Variants in SEMA3D observed in about 807,000 individuals in gnomAD.
SEMA3D encodes semaphorin 3D.
In SEMA3D, 84 loss-of-function variants were observed where a neutral mutation model predicts 100.1. That is an observed-to-expected ratio of 0.84 (90% CI 0.70 to 1.01). The LOEUF is 1.01. Ranked by LOEUF, SEMA3D falls within the 50% of genes least tolerant of loss-of-function variation. SEMA3D has a pLI of 0.00. For missense variants in SEMA3D, 875 were observed against 934.1 expected (o/e 0.94, Z 0.82); for synonymous variants, 312 against 320.7 (o/e 0.97, Z 0.29).
chr7:85,178,446 T>C (rs966670786), intron 1 of SEMA3D, among the ~76,000 whole-genome samples: 1 of 152,048 alleles, frequency 6.6e-6, no homozygotes, highest in Non-Finnish European at 1.5e-5. Flanking sequence ...TGGTTTTAGA[T>C]GGAGATGAGA....
chr7:85,158,952 T>G (rs1027132402), intron 1 of SEMA3D, among the ~76,000 whole-genome samples: 2 of 152,158 alleles, frequency 1.3e-5, no homozygotes, highest in Admixed American at 1.3e-4. Flanking sequence ...CACAAATTCC[T>G]CATTGTGACT....
chr7:85,023,460 C>T (rs1790310626), intron 12 of SEMA3D, among the ~76,000 whole-genome samples: 1 of 151,742 alleles, frequency 6.6e-6, no homozygotes, highest in South Asian at 2.1e-4. Flanking sequence ...TCGTATAGAA[C>T]GATTCTTTTA....
intron 3 of SEMA3D, among the ~76,000 whole-genome samples, chr7:85,114,250 T>A (rs1169839586): frequency 6.6e-6 from 1 of 152,194 alleles, no homozygotes; most frequent in Non-Finnish European, 1.5e-5. Flanking sequence ...AAAAGAGTTT[T>A]AAAAGGTGGT....
At chr7:85,204,306 T>G in the SEMA3D span, among the ~76,000 whole-genome samples, 12 of 146,734 alleles carry the variant, frequency 8.2e-5, no homozygotes, top group Non-Finnish European at 1.5e-4. Flanking sequence ...AGAACTTGAA[T>G]GAATAGACCT....
intron 8 of SEMA3D, among the ~76,000 whole-genome samples, chr7:85,063,355 A>G (rs1791528134): frequency 6.6e-6 from 1 of 152,230 alleles, no homozygotes; most frequent in Admixed American, 6.5e-5. Flanking sequence ...ACTGCTAAGC[A>G]GTCTGCCTTG....
chr7:85,153,270 TA>T (rs1790482763), intron 2 of SEMA3D, among the ~76,000 whole-genome samples: 1 of 152,166 alleles, frequency 6.6e-6, no homozygotes, highest in Non-Finnish European at 1.5e-5. Flanking sequence ...TGTATATAAC[TA>T]ACAGGACTCA....
At chr7:85,024,539 C>T (rs550446165) in intron 12 of SEMA3D, among the ~76,000 whole-genome samples, 12 of 151,772 alleles carry the variant, frequency 7.9e-5, no homozygotes, top group African/African-American at 2.4e-4. Context: ...CTCATTGCTC[C>T]GACAAAAATG....
the SEMA3D span, among the ~76,000 whole-genome samples, chr7:85,234,208 G>A: frequency 4.5e-4 from 68 of 152,232 alleles, no homozygotes; most frequent in African/African-American, 1.5e-3. Context: ...CCCCAGAAAG[G>A]CCACCTGCCA....
chr7:85,000,954 T>C (rs1789639079), intron 18 of SEMA3D, among the ~76,000 whole-genome samples: 1 of 152,136 alleles, frequency 6.6e-6, no homozygotes, highest in African/African-American at 2.4e-5. Flanking sequence ...ATTGTAGACT[T>C]TTAGATGATG....
At chr7:85,040,564 AG>A (rs1300367441) in intron 11 of SEMA3D, 108 bp downstream of exon 11, 3 of 633,596 alleles carry the variant, frequency 4.7e-6, no homozygotes, top group South Asian at 3.7e-5. Context: ...TGAAAAAAAA[AG>A]TTTACGATAT....
intron 1 of SEMA3D, among the ~76,000 whole-genome samples, chr7:85,172,596 T>A (rs1401512733): frequency 6.6e-6 from 1 of 152,056 alleles, no homozygotes; most frequent in Non-Finnish European, 1.5e-5. Flanking sequence ...TATCTCTGGG[T>A]TCTCCCTAAA....
the SEMA3D span, among the ~76,000 whole-genome samples, chr7:85,212,601 T>A: frequency 6.6e-6 from 1 of 151,994 alleles, no homozygotes; most frequent in Admixed American, 6.6e-5. Context: ...CGTGTTTGTA[T>A]CATTAGATGT....
chr7:85,022,961 C>T (rs1353602454), intron 12 of SEMA3D, among the ~76,000 whole-genome samples: 4 of 151,666 alleles, frequency 2.6e-5, no homozygotes, highest in African/African-American at 4.8e-5. Context: ...CATGAGAACA[C>T]GTGGAAAGCC....
intron 4 of SEMA3D, among the ~76,000 whole-genome samples, chr7:85,083,745 G>T (rs1388811168): frequency 6.6e-5 from 10 of 150,786 alleles, no homozygotes; most frequent in Non-Finnish European, 7.4e-5. Flanking sequence ...TACTCGGGAG[G>T]CTGAGGCAGG....
At chr7:85,244,708 CTTTTTTTTT>C in the SEMA3D span, among the ~76,000 whole-genome samples, 2 of 121,888 alleles carry the variant, frequency 1.6e-5, no homozygotes, top group African/African-American at 6.1e-5. Context: ...ACTGCACAAT[CTTTTTTTTT>C]TTTTTTTTTT....
At chr7:85,177,301 T>C (rs1285078416) in intron 1 of SEMA3D, among the ~76,000 whole-genome samples, 1 of 152,186 alleles carries the variant, frequency 6.6e-6, no homozygotes, top group South Asian at 2.1e-4. Context: ...TTCTAAAAGT[T>C]ATTTTGGGGG....
At position 85,029,522 on chromosome 7, in the gene SEMA3D, A is replaced by G. The variant is rs182397926; in HGVS notation, c.1192-6909T>C. The G allele has an allele frequency of 1.8e-3, 1,109 of 610,034 alleles. 5 individuals are homozygous for G. Among genetic ancestry groups the G allele is most frequent in the Non-Finnish European group, 2.9e-3 (938 of 324,518 alleles). 37.8% of individuals were successfully genotyped at this position (610,034 alleles called of 1,614,324 possible). On this transcript the variant is annotated intron_variant, in intron 12 of 18. Transcript: ENST00000284136. The stretch of plus-strand genomic sequence containing the variant: ...CTCGACAAGAATCAGACTGCAGAGA[A>G]GGAAGAATTTGAACATGCACAGCAA...
chr7:85,037,699 A>G (rs1196481491), intron 11 of SEMA3D, among the ~76,000 whole-genome samples: 1 of 152,082 alleles, frequency 6.6e-6, no homozygotes, highest in African/African-American at 2.4e-5. Flanking sequence ...CTGATACTTA[A>G]TTATAATTAC....
chr7:85,029,995 T>A (rs1180581775), intron 12 of SEMA3D, among the ~76,000 whole-genome samples: 1 of 151,782 alleles, frequency 6.6e-6, no homozygotes, highest in East Asian at 1.9e-4. Context: ...AAAAAAAAGA[T>A]TTTGAGCTGA....
Sources: allele counts gnomAD v4.1 joint callset (sites outside exome capture counted in the v4.1 genomes callset), GRCh38; gene constraint gnomAD v4.1.1; transcripts MANE v1.5; gene names NCBI Gene and HGNC (gene_info 2026-07-23, HGNC 2026-07-21).